Variants in ACYP2 observed in about 807,000 individuals in gnomAD.
ACYP2 encodes acylphosphatase 2.
A neutral mutation model predicts 11.2 loss-of-function variants in ACYP2; 12 were observed. The observed-to-expected ratio is 1.08, with a 90% confidence interval of 0.69 to 1.74. ACYP2 has a LOEUF of 1.74. ACYP2 is among the 40% of genes most tolerant of loss of function. The pLI is 0.00. For synonymous variants in ACYP2, 43 were observed against 32.2 expected (o/e 1.33, Z -1.13); for missense variants, 134 against 101.9 (o/e 1.31, Z -1.35).
chr2:54,024,818 G>C lies in ACYP2; in HGVS notation c.63-26140G>C, dbSNP rs571632935. On this transcript the variant is annotated intron_variant, in intron 2 of 6. Transcript: ENST00000607452. ...AACTGTCGCTGTTTCCTGACGATAT[G>C]ATCATATACCTAGAAAACTGTAAAG... Among the ~76,000 whole-genome samples, 7 of 152,168 alleles carry C rather than the reference G, an allele frequency of 4.6e-5. No homozygotes were observed. The South Asian group carries it at 6.2e-4, about 14-fold the overall frequency.
chr2:54,199,086 A>G (rs913849221), intron 6 of ACYP2, among the ~76,000 whole-genome samples: 8 of 152,216 alleles, frequency 5.3e-5, no homozygotes, highest in Admixed American at 1.3e-4. Context: ...TAGGTTTCTC[A>G]GAACACCATT....
At chr2:54,138,842 G>C (rs1320208787) in intron 6 of ACYP2, 94 bp downstream of exon 3, 2 of 967,528 alleles carry the variant, frequency 2.1e-6, no homozygotes, top group African/African-American at 3.3e-5. Context: ...GCCCAGGTTG[G>C]AGTGCAGTGG....
At chr2:54,205,641 T>C (rs1489175987) in intron 6 of ACYP2, among the ~76,000 whole-genome samples, 2 of 152,208 alleles carry the variant, frequency 1.3e-5, no homozygotes, top group Non-Finnish European at 2.9e-5. Context: ...ATTCTTTCTA[T>C]AGTGACTTAG....
chr2:54,033,108 C>G (rs1236790086), intron 2 of ACYP2, among the ~76,000 whole-genome samples: 5 of 151,984 alleles, frequency 3.3e-5, no homozygotes, highest in Non-Finnish European at 7.4e-5. Flanking sequence ...TCAGAGCAGT[C>G]TGAGCTTTGT....
At chr2:54,039,422 G>A (rs1385036204) in intron 2 of ACYP2, among the ~76,000 whole-genome samples, 1 of 151,798 alleles carries the variant, frequency 6.6e-6, no homozygotes, top group Non-Finnish European at 1.5e-5. Flanking sequence ...CTCCCTAGTA[G>A]CTGGGACTAC....
chr2:54,235,957 GT>G (rs1440149445), intron 6 of ACYP2, among the ~76,000 whole-genome samples: 1 of 151,944 alleles, frequency 6.6e-6, no homozygotes, highest in African/African-American at 2.4e-5. Flanking sequence ...CTCCATGGGG[GT>G]TTATAAATTT....
intron 6 of ACYP2, among the ~76,000 whole-genome samples, chr2:54,187,709 C>T (rs1047555566): frequency 3.3e-5 from 5 of 152,110 alleles, no homozygotes; most frequent in Non-Finnish European, 5.9e-5. Flanking sequence ...GGTGAGGATC[C>T]AGGGAGCCAC....
rs1022066839 is a variant in ACYP2 at position 54,299,360 on chromosome 2, G to A, written c.405-5328G>A. 6.6e-5 allele frequency among the ~76,000 whole-genome samples: 10 copies of A among 152,170 alleles called. No individual in the cohort carries two copies. The East Asian group carries it at 1.5e-3, about 24-fold the overall frequency. ...TGTAATCCCAGCACTTTGGGAGGCC[G>A]AGGCGGGCAGATCACGAGGTCAGGA... On this transcript the variant is annotated intron_variant, in intron 6 of 6. Transcript: ENST00000607452.
intron 4 of ACYP2, among the ~76,000 whole-genome samples, chr2:54,070,782 G>A (rs1388461703): frequency 2.0e-5 from 3 of 150,184 alleles, no homozygotes; most frequent in African/African-American, 4.9e-5. Flanking sequence ...TGTCACCCAG[G>A]CTGGAGTGCA....
At chr2:54,285,040 G>C (rs139924424) in intron 6 of ACYP2, among the ~76,000 whole-genome samples, 1 of 152,124 alleles carries the variant, frequency 6.6e-6, no homozygotes, top group Non-Finnish European at 1.5e-5. Context: ...CACGATCAAG[G>C]CACTAGCAGA....
chr2:54,249,399 C>T (rs1268233682), intron 6 of ACYP2, among the ~76,000 whole-genome samples: 1 of 144,868 alleles, frequency 6.9e-6, no homozygotes, highest in Non-Finnish European at 1.5e-5. Context: ...CGCGCCACTG[C>T]ACACCAGCCT....
intron 6 of ACYP2, among the ~76,000 whole-genome samples, chr2:54,146,372 G>T (rs1681882709): frequency 6.6e-6 from 1 of 151,430 alleles, no homozygotes; most frequent in South Asian, 2.1e-4. Flanking sequence ...TTTTTTCTTT[G>T]ACAATTTCCT....
chr2:54,060,544 A>G (rs1445169314), intron 4 of ACYP2, among the ~76,000 whole-genome samples: 1 of 152,158 alleles, frequency 6.6e-6, no homozygotes. Flanking sequence ...CTTTCCTCAA[A>G]TATCTTATAA....
At chr2:54,059,467 C>T (rs1676351536) in intron 4 of ACYP2, among the ~76,000 whole-genome samples, 1 of 152,136 alleles carries the variant, frequency 6.6e-6, no homozygotes, top group South Asian at 2.1e-4. Context: ...CCTTTTTGGC[C>T]TCCCAAAGTG....
chr2:54,009,630 G>C (rs138557214), intron 2 of ACYP2, among the ~76,000 whole-genome samples: 4 of 152,052 alleles, frequency 2.6e-5, no homozygotes, highest in African/African-American at 7.2e-5. Flanking sequence ...GAGTTAGAGT[G>C]CAGTTAGAGT....
intron 4 of ACYP2, 107 bp downstream of exon 1, chr2:54,115,863 G>C (rs1679746767): frequency 1.5e-6 from 2 of 1,335,064 alleles, no homozygotes; most frequent in African/African-American, 3.3e-5. Context: ...GTTGTGGCTG[G>C]GACTTCCGCT....
intron 6 of ACYP2, among the ~76,000 whole-genome samples, chr2:54,172,749 ATGTGTTC>A (rs1683270627): frequency 6.6e-6 from 1 of 152,042 alleles, no homozygotes; most frequent in African/African-American, 2.4e-5. Flanking sequence ...CCCTGTGTCC[ATGTGTTC>A]TTACTGTTCC....
Position 54,085,696 on chromosome 2 carries a change from G to C in ACYP2, c.277+28336G>C, listed in dbSNP as rs181587892. Among the ~76,000 whole-genome samples, 399 of 152,254 alleles carry C rather than the reference G, an allele frequency of 2.6e-3. 1 individual carries two copies. Among genetic ancestry groups the C allele is most frequent in the African/African-American group, 9.4e-3 (392 of 41,538 alleles). ...TGACAACTTTAAGTGAGGACTTACT[G>C]TGTATGGAAAAAGAGATAGAGATGT... On this transcript the variant is annotated intron_variant, in intron 4 of 6. Transcript: ENST00000607452.
In ACYP2 at chr2:54,101,056, C is replaced by G. The variant is rs376044435; in HGVS notation, c.278-34397C>G. Reference sequence around the variant, plus strand: ...GCAGCTGAGGGTACCACTAGTTGCCCCCATAGTGCTCACCACAACAGGGAG... The same window carrying G: ...GCAGCTGAGGGTACCACTAGTTGCCGCCATAGTGCTCACCACAACAGGGAG... On this transcript the variant is annotated intron_variant, in intron 4 of 6. Transcript: ENST00000607452. Among the ~76,000 whole-genome samples the G allele has an allele frequency of 3.1e-4, 47 of 152,232 alleles. No individual in the cohort carries two copies. The South Asian group carries it at 9.5e-3, about 31-fold the overall frequency.
Sources: allele counts gnomAD v4.1 joint callset (sites outside exome capture counted in the v4.1 genomes callset), GRCh38; gene constraint gnomAD v4.1.1; transcripts MANE v1.5; gene names NCBI Gene and HGNC (gene_info 2026-07-23, HGNC 2026-07-21).